The following HLA-DRB5 variants were observed in gnomAD, a reference collection of about 807,000 sequenced individuals.
HLA-DRB5 encodes the protein DR beta-5.
A neutral mutation model predicts 22.4 loss-of-function variants in HLA-DRB5; 11 were observed. The observed-to-expected ratio is 0.49, with a 90% CI of 0.31 to 0.81. The LOEUF is 0.81. Ranked by LOEUF, HLA-DRB5 falls within the 40% of genes least tolerant of loss-of-function variation. HLA-DRB5 has a pLI of 0.05. For missense variants in HLA-DRB5, 106 were observed against 274.4 expected, an observed-to-expected ratio of 0.39 and a Z score of 4.34; for synonymous variants, 57 against 106.0, an observed-to-expected ratio of 0.54 and a Z score of 2.84.
At chr6:32,528,181 G>A (rs1451574846) in intron 1 of HLA-DRB5, among the ~76,000 whole-genome samples, 55 of 57,130 alleles carry the variant, frequency 9.6e-4, no homozygotes, top group African/African-American at 4.1e-3. Context: ...CTCAAGTAGG[G>A]CTCTCTAGAC....
At chr6:32,523,669 C>A (rs73726184) in intron 1 of HLA-DRB5, among the ~76,000 whole-genome samples, 74,357 of 96,728 alleles carry the variant, frequency 0.77, 31,344 homozygotes, top group Middle Eastern at 0.86. Flanking sequence ...CAAAAACTAA[C>A]TATGAAGCTA....
intron 1 of HLA-DRB5, among the ~76,000 whole-genome samples, chr6:32,528,692 CG>C (rs1769935974): frequency 2.5e-5 from 1 of 39,852 alleles, no homozygotes; most frequent in Non-Finnish European, 5.2e-5. Flanking sequence ...TGCCTGGGTG[CG>C]GTGGCTTACA....
At chr6:32,520,295 A>T (rs565094428) in intron 2 of HLA-DRB5, among the ~76,000 whole-genome samples, 13,859 of 35,610 alleles carry the variant, frequency 0.39, 4,885 homozygotes, top group Middle Eastern at 0.52. Context: ...GTAGGGTACA[A>T]AAGGAGACTG....
At position 32,527,980 on chromosome 6, in the gene HLA-DRB5, C is replaced by T. The variant is rs190109400; in HGVS notation, c.100+2145G>A. Among the ~76,000 whole-genome samples, 78 of 35,086 alleles carry T rather than the reference C, an allele frequency of 2.2e-3. 2 individuals carry two copies. The highest frequency in any genetic ancestry group is 4.7e-3 in the South Asian group (7 of 1,496). 23.0% of individuals were successfully genotyped at this position (35,086 alleles called of 152,430 possible). On this transcript the variant is annotated intron_variant, in intron 1 of 5. Coordinates refer to ENST00000374975, the MANE Select transcript of HLA-DRB5 (RefSeq NM_002125.4). The stretch of plus-strand genomic sequence containing the variant: ...TGATATGAGGCTCCCGACTTCCTCT[C>T]TGCATCCTACCTCATCTTCTGCCAC...
At chr6:32,528,196 G>A (rs143380882) in intron 1 of HLA-DRB5, among the ~76,000 whole-genome samples, 5,672 of 55,082 alleles carry the variant, frequency 0.1, 1,209 homozygotes, top group Middle Eastern at 0.24. Flanking sequence ...CTAGACATAT[G>A]AACTAAAGTA....
chr6:32,523,174 C>T (rs147319082), intron 1 of HLA-DRB5, among the ~76,000 whole-genome samples: 2,504 of 35,904 alleles, frequency 0.07, 412 homozygotes, highest in Middle Eastern at 0.13. Flanking sequence ...GTCCACAAAC[C>T]TTCCTTTGCA....
intron 1 of HLA-DRB5, among the ~76,000 whole-genome samples, chr6:32,528,346 G>GACCA (rs377396227): frequency 0.29 from 27,451 of 95,434 alleles, 2,329 homozygotes; most frequent in Middle Eastern, 0.37. Context: ...TGAGAGTCGG[G>GACCA]ACCCTCTCTA....
Position 32,521,974 on chromosome 6 carries a change from G to T in HLA-DRB5, c.301C>A (p.Arg101Ser), listed in dbSNP as rs149410716. The change falls in exon 2 of 6, where the codon CGC (arginine) becomes AGC (serine). Residue 101 changes from arginine to serine, a missense_variant. Physicochemically the swap from Arg to Ser is moderately radical, Grantham distance 110. Transcript: ENST00000374975. ...NSQKDFLEDR[R>S]AAVDTYCRHN... ...CTGCAGTAGGTGTCCACCGCGGCGC[G>T]CCTGTCTTCCAGGAAGTCCTTCTGG... 1.7e-6 allele frequency: 2 copies of T among 1,147,240 alleles called. 1 individual carries two copies. Among genetic ancestry groups the T allele is most frequent in the Non-Finnish European group, 2.4e-6 (2 of 824,708 alleles). The allele number at this position is 1,147,240 out of a possible 1,614,324, so 71.1% of individuals were successfully genotyped here.
intron 4 of HLA-DRB5, among the ~76,000 whole-genome samples, 188 bp downstream of exon 4, chr6:32,518,368 C>T (rs117802264): frequency 0.059 from 2,355 of 40,246 alleles, 909 homozygotes; most frequent in Middle Eastern, 0.12. Flanking sequence ...CTGCAGGCCA[C>T]AAGCTATTAT....
rs1444390442 is a variant in HLA-DRB5 at position 32,518,431 on chromosome 6, G to A, written c.763+125C>T. The A allele has an allele frequency of 6.3e-6, 2 of 316,296 alleles. 1 individual carries two copies. Among genetic ancestry groups the A allele is most frequent in the Non-Finnish European group, 1.1e-5 (2 of 177,420 alleles). 19.6% of individuals were successfully genotyped at this position (316,296 alleles called of 1,614,324 possible). ...TGATTTCTGGATTAGCAGGGCATTG[G>A]AGGTCATTTGTGGAAAGAAAGGCTT... On this transcript the variant is annotated intron_variant, in intron 4 of 5. Coordinates refer to ENST00000374975, the MANE Select transcript of HLA-DRB5 (RefSeq NM_002125.4).
intron 1 of HLA-DRB5, among the ~76,000 whole-genome samples, chr6:32,528,690 T>C (rs61146035): frequency 0.11 from 4,245 of 39,738 alleles, 1,980 homozygotes; most frequent in Middle Eastern, 0.28. Context: ...CGTGCCTGGG[T>C]GCGGTGGCTT....
intron 1 of HLA-DRB5, among the ~76,000 whole-genome samples, chr6:32,528,383 C>T (rs111650848): frequency 9.3e-3 from 1,135 of 121,462 alleles, no homozygotes; most frequent in East Asian, 0.015. Context: ...TGATTTGAAC[C>T]TAGAAGGGAG....
chr6:32,518,547 G>T lies in HLA-DRB5; in HGVS notation c.763+9C>A, dbSNP rs550731178. ...TCTATGGAGAGAGCCGCTACCAAAG[G>T]CTCCTCACCTTTCTGATTCTTGAAG... On this transcript the variant is annotated intron_variant, in intron 4 of 5. Transcript: ENST00000374975. 12 of 544,082 alleles carry T rather than the reference G, an allele frequency of 2.2e-5. 1 individual carries two copies. The highest frequency in any genetic ancestry group is 7.9e-5 in the African/African-American group (2 of 25,372). 33.7% of individuals were successfully genotyped at this position (544,082 alleles called of 1,614,324 possible).
intron 1 of HLA-DRB5, among the ~76,000 whole-genome samples, chr6:32,525,094 T>A (rs111270603): frequency 0.053 from 2,970 of 56,228 alleles, no homozygotes; most frequent in African/African-American, 0.064. Flanking sequence ...GCCCCCACTC[T>A]AAGAAACAAC....
intron 2 of HLA-DRB5, among the ~76,000 whole-genome samples, chr6:32,521,595 C>G (rs192750423): frequency 0.011 from 801 of 75,308 alleles, no homozygotes; most frequent in East Asian, 0.014. Context: ...TCCTCTCTCT[C>G]CAGCCCCCTG....
chr6:32,526,169 T>A (rs535871572), intron 1 of HLA-DRB5, among the ~76,000 whole-genome samples: 1,387 of 52,516 alleles, frequency 0.026, 1 homozygote, highest in East Asian at 0.037. Context: ...TCCAGTTTCC[T>A]CCCTGGATAC....
At chr6:32,525,414 T>C (rs1361195443) in intron 1 of HLA-DRB5, among the ~76,000 whole-genome samples, 247 of 39,284 alleles carry the variant, frequency 6.3e-3, no homozygotes, top group Admixed American at 0.012. Context: ...GAGCTCACAT[T>C]ATTTTTTCTA....
intron 1 of HLA-DRB5, 30 bp downstream of exon 1, chr6:32,530,095 A>G (rs1328865176): frequency 0.029 from 36,901 of 1,256,966 alleles, 270 homozygotes; most frequent in African/African-American, 0.062. Flanking sequence ...CCCACCCCAT[A>G]GTAGCTCAGC....
intron 2 of HLA-DRB5, among the ~76,000 whole-genome samples, chr6:32,520,267 G>C (rs186176074): frequency 0.013 from 453 of 33,658 alleles, no homozygotes; most frequent in Middle Eastern, 0.024. Context: ...AAGTAATGTG[G>C]ATAGATAAAG....
Sources: allele counts gnomAD v4.1 joint callset (sites outside exome capture counted in the v4.1 genomes callset), GRCh38; gene constraint gnomAD v4.1.1; transcripts MANE v1.5; gene names NCBI Gene and HGNC (gene_info 2026-07-23, HGNC 2026-07-21).